The following MINDY4 variants were observed in gnomAD, a reference collection of about 807,000 sequenced individuals.
MINDY4 encodes MINDY lysine 48 deubiquitinase 4, also known as probable ubiquitin carboxyl-terminal hydrolase MINDY-4.
Under a neutral mutation model 87.0 loss-of-function variants are expected in MINDY4, and 68 were observed. That is an observed-to-expected ratio of 0.78 (90% confidence interval 0.64 to 0.96). MINDY4 has a LOEUF of 0.96. MINDY4 is among the 40% of genes least tolerant of loss of function. The probability of loss-of-function intolerance (pLI) is 0.00; values close to 1 mark genes in which losing one functional copy is unlikely to be tolerated. For missense variants in MINDY4, 919 were observed against 928.2 expected (o/e 0.99, Z 0.13); for synonymous variants, 379 against 363.2 (o/e 1.04, Z -0.50).
At position 30,853,402 on chromosome 7, in the gene MINDY4, T is replaced by C; in HGVS notation, c.1620T>C (p.Leu540=). 6.2e-7 allele frequency: 1 copy of C among 1,613,634 alleles called. No homozygotes were observed. Among genetic ancestry groups the C allele is most frequent in the Non-Finnish European group, 8.5e-7 (1 of 1,179,780 alleles). ...TGTTTGTGTCTTCTCAGCTTACGCT[T>C]CACAGTTTGACCTGCTATGAGGACC... ...KADGVLETLT[L]HSLTCYEDLV... The change falls in exon 12 of 18, where the codon CTT becomes CTC. Residue 540 remains leucine, a synonymous_variant. Coordinates refer to ENST00000265299, the MANE Select transcript of MINDY4 (RefSeq NM_032222.3).
intron 1 of MINDY4, among the ~76,000 whole-genome samples, chr7:30,777,348 A>T (rs1786856157): frequency 6.6e-6 from 1 of 152,182 alleles, no homozygotes; most frequent in South Asian, 2.1e-4. Flanking sequence ...AGGGAAAGCC[A>T]TGGTTAAGCC....
intron 6 of MINDY4, among the ~76,000 whole-genome samples, chr7:30,829,158 T>A (rs1318500743): frequency 6.6e-6 from 1 of 152,222 alleles, no homozygotes; most frequent in Non-Finnish European, 1.5e-5. Context: ...ACACAAACAG[T>A]GAAGGCATTA....
intron 13 of MINDY4, among the ~76,000 whole-genome samples, chr7:30,865,061 C>T (rs1223702029): frequency 6.6e-6 from 1 of 152,188 alleles, no homozygotes; most frequent in Non-Finnish European, 1.5e-5. Flanking sequence ...ACCTGGGACT[C>T]TGCTGAGCCT....
chr7:30,844,495 T>C (rs987253412), intron 9 of MINDY4, among the ~76,000 whole-genome samples: 4 of 133,106 alleles, frequency 3.0e-5, no homozygotes, highest in Admixed American at 7.6e-5. Context: ...TAGATAGGGG[T>C]TGGGGAGGAA....
intron 5 of MINDY4, among the ~76,000 whole-genome samples, chr7:30,792,473 G>A (rs1333786390): frequency 6.6e-6 from 1 of 152,162 alleles, no homozygotes; most frequent in Non-Finnish European, 1.5e-5. Flanking sequence ...ATATTTGGGA[G>A]AATTTACTGG....
chr7:30,825,278 A>T (rs1788464298), intron 5 of MINDY4, among the ~76,000 whole-genome samples: 1 of 152,200 alleles, frequency 6.6e-6, no homozygotes, highest in Admixed American at 6.5e-5. Flanking sequence ...TACATTCTCT[A>T]TGTGGAAGCA....
intron 12 of MINDY4, among the ~76,000 whole-genome samples, chr7:30,855,510 GA>G (rs1485694750): frequency 6.6e-6 from 1 of 152,218 alleles, no homozygotes; most frequent in African/African-American, 2.4e-5. Context: ...CCAGGAAAAG[GA>G]AGTGACTGGT....
intron 5 of MINDY4, among the ~76,000 whole-genome samples, chr7:30,792,337 G>C (rs1359158628): frequency 1.3e-5 from 2 of 152,028 alleles, no homozygotes; most frequent in South Asian, 2.1e-4. Flanking sequence ...GAAGAAGATT[G>C]GCTGGCAGAT....
intron 5 of MINDY4, among the ~76,000 whole-genome samples, chr7:30,814,480 A>C (rs989516562): frequency 4.6e-5 from 7 of 152,196 alleles, no homozygotes; most frequent in Non-Finnish European, 8.8e-5. Context: ...TGTCCTGGAC[A>C]GTTGGTAATT....
chr7:30,882,632 T>C (rs1168559309), intron 16 of MINDY4, among the ~76,000 whole-genome samples: 1 of 151,964 alleles, frequency 6.6e-6, no homozygotes, highest in African/African-American at 2.4e-5. Context: ...TGCTGACAAG[T>C]TTGGATGTAT....
chr7:30,804,754 C>CT (rs1288246702), intron 5 of MINDY4, among the ~76,000 whole-genome samples: 1 of 152,214 alleles, frequency 6.6e-6, no homozygotes, highest in Non-Finnish European at 1.5e-5. Flanking sequence ...ACCAAGCAGT[C>CT]TGAGTTCATG....
intron 5 of MINDY4, among the ~76,000 whole-genome samples, chr7:30,802,451 A>G (rs556236217): frequency 6.6e-6 from 1 of 152,228 alleles, no homozygotes; most frequent in Non-Finnish European, 1.5e-5. Context: ...AACCCTCAGT[A>G]TAGAACAATG....
intron 5 of MINDY4, chr7:30,803,431 C>A (rs944501516): frequency 6.6e-6 from 1 of 152,124 alleles, no homozygotes; most frequent in Non-Finnish European, 1.5e-5. Flanking sequence ...TGACTTAGCA[C>A]ACAGAAAAAG....
Position 30,882,247 on chromosome 7 carries a change from A to G in MINDY4, c.2038A>G (p.Ile680Val), listed in dbSNP as rs764939963. The G allele has an allele frequency of 1.9e-6, 3 of 1,613,820 alleles. No individual in the cohort carries two copies. Among genetic ancestry groups the G allele is most frequent in the African/African-American group, 2.7e-5 (2 of 74,924 alleles). Residue 680 changes from isoleucine to valine, a missense_variant, in exon 16 of 18, where the codon ATC (isoleucine) becomes GTC (valine). Coordinates refer to ENST00000265299, the MANE Select transcript of MINDY4 (RefSeq NM_032222.3). ...WVVCSESHFS[I>V]LFSLQPGLLR... ...GGTTTGCAGTGAGAGCCACTTCAGC[A>G]TCCTCTTTAGCCTGCAGCCGGGGCT... is the stretch of plus-strand genomic sequence containing the variant.
intron 5 of MINDY4, among the ~76,000 whole-genome samples, chr7:30,812,936 C>T (rs1334781863): frequency 6.6e-6 from 1 of 152,224 alleles, no homozygotes; most frequent in Non-Finnish European, 1.5e-5. Context: ...TCCATTTGTT[C>T]TGGAAAAAGC....
At chr7:30,790,685 T>C (rs1335773711) in intron 4 of MINDY4, among the ~76,000 whole-genome samples, 2 of 152,192 alleles carry the variant, frequency 1.3e-5, no homozygotes, top group Non-Finnish European at 2.9e-5. Flanking sequence ...CCTAAAGTGA[T>C]ACACCCGCCT....
At chr7:30,888,869 T>G (rs1562568541) in intron 17 of MINDY4, among the ~76,000 whole-genome samples, 1 of 152,220 alleles carries the variant, frequency 6.6e-6, no homozygotes, top group East Asian at 1.9e-4. Flanking sequence ...AACAGCCTGA[T>G]AGTAAGACTC....
intron 5 of MINDY4, among the ~76,000 whole-genome samples, chr7:30,805,364 T>C (rs542395582): frequency 6.6e-6 from 1 of 152,316 alleles, no homozygotes; most frequent in South Asian, 2.1e-4. Context: ...TTTCTGGATA[T>C]GTCCAGTGGA....
intron 1 of MINDY4, among the ~76,000 whole-genome samples, chr7:30,773,292 G>T (rs1786700853): frequency 6.6e-6 from 1 of 152,306 alleles, no homozygotes; most frequent in Middle Eastern, 3.4e-3. Context: ...CCTCGTAACA[G>T]TCCTGAAAGA....
Sources: allele counts gnomAD v4.1 joint callset (sites outside exome capture counted in the v4.1 genomes callset), GRCh38; gene constraint gnomAD v4.1.1; transcripts MANE v1.5; gene names NCBI Gene and HGNC (gene_info 2026-07-23, HGNC 2026-07-21).